ADAM22: variants seen among roughly 807,000 people sequenced by gnomAD.
The protein encoded by ADAM22 is disintegrin and metalloproteinase domain-containing protein 22.
Under a neutral mutation model 144.6 loss-of-function variants are expected in ADAM22, and 65 were observed. The observed-to-expected ratio is 0.45, with a 90% CI of 0.37 to 0.55. ADAM22 has a LOEUF of 0.55. Among genes scored for constraint, ADAM22 ranks in the 20% least tolerant of loss-of-function variants. The pLI, the probability that ADAM22 is intolerant of heterozygous loss-of-function variation, is 0.00. For synonymous variants in ADAM22, 391 were observed against 412.6 expected (o/e 0.95, Z 0.63); for missense variants, 974 against 1,184.9 (o/e 0.82, Z 2.61).
intron 3 of ADAM22, among the ~76,000 whole-genome samples, chr7:88,004,876 T>A (rs1418364595): frequency 6.6e-6 from 1 of 152,210 alleles, no homozygotes. Context: ...TTTTTCCAAA[T>A]AATTTTTTCT....
At chr7:88,052,683 C>T (rs1371181081) in intron 3 of ADAM22, among the ~76,000 whole-genome samples, 1 of 152,066 alleles carries the variant, frequency 6.6e-6, no homozygotes, top group Non-Finnish European at 1.5e-5. Context: ...CCTTGTTTAT[C>T]TCTATTGTTC....
At chr7:88,166,145 T>C (rs1038650557) in intron 24 of ADAM22, among the ~76,000 whole-genome samples, 199 bp downstream of exon 24, 1 of 152,124 alleles carries the variant, frequency 6.6e-6, no homozygotes, top group Non-Finnish European at 1.5e-5. Context: ...TATAACTTAG[T>C]CTATTTGATT....
At chr7:88,173,514 T>A (rs1047586720) in intron 26 of ADAM22, among the ~76,000 whole-genome samples, 1 of 152,038 alleles carries the variant, frequency 6.6e-6, no homozygotes, top group East Asian at 1.9e-4. Context: ...TCTAAATGAG[T>A]TTCCTTTTTG....
Position 88,075,604 on chromosome 7 carries a change from T to G in ADAM22, c.324-22T>G. On this transcript the variant is annotated intron_variant, in intron 3 of 31. Transcript: ENST00000413139. ...ACATTTTTGGGATCCTCTTTAGTCATCATTTATTTTTGTTGTTGCAGTGAT... is the reference window on the plus strand; with the variant it reads ...ACATTTTTGGGATCCTCTTTAGTCAGCATTTATTTTTGTTGTTGCAGTGAT... 2.5e-6 allele frequency: 4 copies of G among 1,608,142 alleles called. No individual in the cohort carries two copies. The South Asian group carries it at 4.4e-5, about 18-fold the overall frequency.
At chr7:88,025,039 T>C (rs976435427) in intron 3 of ADAM22, among the ~76,000 whole-genome samples, 3 of 152,192 alleles carry the variant, frequency 2.0e-5, no homozygotes, top group Admixed American at 6.5e-5. Context: ...TATAGCAGCA[T>C]GATTTATAAT....
At chr7:88,109,536 T>A (rs1286553557) in intron 5 of ADAM22, among the ~76,000 whole-genome samples, 1 of 152,116 alleles carries the variant, frequency 6.6e-6, no homozygotes, top group Non-Finnish European at 1.5e-5. Flanking sequence ...AATTCCTTTT[T>A]GTTACCATCT....
At chr7:88,092,653 T>A (rs1820237090) in intron 4 of ADAM22, among the ~76,000 whole-genome samples, 1 of 152,136 alleles carries the variant, frequency 6.6e-6, no homozygotes, top group African/African-American at 2.4e-5. Flanking sequence ...AGGAAAAAAA[T>A]TTGGGGGGAT....
At chr7:88,172,294 G>T (rs532476272) in intron 26 of ADAM22, among the ~76,000 whole-genome samples, 1 of 151,918 alleles carries the variant, frequency 6.6e-6, no homozygotes, top group South Asian at 2.1e-4. Flanking sequence ...CATAATATTG[G>T]AATGCACTCT....
rs1050962488 is a variant in ADAM22, at chr7:88,201,229, G to A, written c.*4738G>A. 3 of 152,196 alleles carry A rather than the reference G, an allele frequency of 2.0e-5. No individual in the cohort carries two copies. The highest frequency in any genetic ancestry group is 7.2e-5 in the African/African-American group (3 of 41,450). The allele number at this position is 152,196 out of a possible 1,614,324, so 9.4% of individuals were successfully genotyped here. ...AACCAAAAACCTAATTAGTACTTTT[G>A]TCCTTTATATCCCTAGGATGCTCTA... is the stretch of plus-strand genomic sequence containing the variant. On this transcript the variant is annotated 3_prime_UTR_variant, in exon 32 of 32. Transcript: ENST00000413139.
At chr7:88,191,589 A>G (rs1849633372) in intron 30 of ADAM22, among the ~76,000 whole-genome samples, 1 of 152,228 alleles carries the variant, frequency 6.6e-6, no homozygotes, top group Non-Finnish European at 1.5e-5. Context: ...TTTCTTAAAG[A>G]TCATAGTCCT....
rs757255543 is a variant in ADAM22 at position 88,171,607 on chromosome 7, CAT to C, written c.2300+49_2300+50del. 2.7e-6 allele frequency: 4 copies of C among 1,503,178 alleles called. No homozygotes were observed. In the African/African-American group the frequency reaches 5.7e-5, roughly 22 times the overall value. The allele number at this position is 1,503,178 out of a possible 1,614,324, so 93.1% of individuals were successfully genotyped here. ...GAACATAAAACTGAAAGGTTTGACT[CAT>C]ATTAGCATTGTTGGAATTCATACAT... On this transcript the variant is annotated intron_variant, in intron 26 of 31. Transcript: ENST00000413139.
intron 3 of ADAM22, among the ~76,000 whole-genome samples, chr7:88,061,068 C>T (rs1443759944): frequency 6.6e-6 from 1 of 151,922 alleles, no homozygotes; most frequent in Non-Finnish European, 1.5e-5. Context: ...TGCACCACTG[C>T]ACTCCAGCCT....
intron 24 of ADAM22, 96 bp from the exon 25 acceptor site, chr7:88,168,041 C>A: frequency 1.1e-6 from 1 of 928,140 alleles, no homozygotes; most frequent in Non-Finnish European, 1.6e-6. Context: ...TGAAAACAAA[C>A]AGTGTTGTTA....
intron 25 of ADAM22, among the ~76,000 whole-genome samples, chr7:88,171,304 T>C (rs1844255032): frequency 6.6e-6 from 1 of 151,930 alleles, no homozygotes; most frequent in African/African-American, 2.4e-5. Flanking sequence ...GCAGCATATT[T>C]ATGTTTTTAA....
intron 7 of ADAM22, among the ~76,000 whole-genome samples, chr7:88,117,431 G>A (rs1008356453): frequency 4.6e-5 from 7 of 152,176 alleles, no homozygotes; most frequent in African/African-American, 7.2e-5. Flanking sequence ...TTTATTTTAG[G>A]TTGAATAAAT....
intron 4 of ADAM22, among the ~76,000 whole-genome samples, chr7:88,081,077 T>C (rs1321749398): frequency 2.0e-5 from 3 of 152,156 alleles, no homozygotes; most frequent in Non-Finnish European, 4.4e-5. Flanking sequence ...CGAACATTGA[T>C]GCAAAAATCC....
intron 2 of ADAM22, among the ~76,000 whole-genome samples, chr7:87,942,241 T>C (rs1842623167): frequency 6.6e-6 from 1 of 152,220 alleles, no homozygotes; most frequent in South Asian, 2.1e-4. Flanking sequence ...ACTATATATG[T>C]TATATACTAA....
chr7:87,943,237 T>A (rs1188167736), intron 2 of ADAM22, among the ~76,000 whole-genome samples: 2 of 151,252 alleles, frequency 1.3e-5, no homozygotes, highest in African/African-American at 4.8e-5. Context: ...GCATTATCTC[T>A]CATTATGAGG....
At chr7:88,161,133 A>T (rs1841502230) in intron 22 of ADAM22, among the ~76,000 whole-genome samples, 1 of 149,490 alleles carries the variant, frequency 6.7e-6, no homozygotes, top group Admixed American at 6.8e-5. Flanking sequence ...TAAAAAACCA[A>T]CCCCCCCACC....
Sources: allele counts gnomAD v4.1 joint callset (sites outside exome capture counted in the v4.1 genomes callset), GRCh38; gene constraint gnomAD v4.1.1; transcripts MANE v1.5; gene names NCBI Gene and HGNC (gene_info 2026-07-23, HGNC 2026-07-21).